Variants in GBP4 observed in about 807,000 individuals in gnomAD.
The protein encoded by GBP4 is guanylate binding protein 4, also known as guanylate-binding protein 4.
In GBP4, 69 loss-of-function variants were observed where a neutral mutation model predicts 62.2. The ratio of observed to expected loss-of-function variants is 1.11; its 90% CI spans 0.91 to 1.36. GBP4 has a LOEUF of 1.36. Ranked by LOEUF, GBP4 falls within the 40% of genes most tolerant of loss-of-function variation. GBP4 has a pLI of 0.00. For missense variants in GBP4, 697 were observed against 759.3 expected, an observed-to-expected ratio of 0.92 and a Z score of 0.96; for synonymous variants, 278 against 274.6, an observed-to-expected ratio of 1.01 and a Z score of -0.12.
Position 89,190,331 on chromosome 1 carries a change from T to C in GBP4, c.917-13A>G, listed in dbSNP as rs1219628032. ...AGAGTCCCCAGCCCTGAATCACATATATTTAGGGAAAATTTACAGTTCTTA... is the reference window on the plus strand; with the variant it reads ...AGAGTCCCCAGCCCTGAATCACATACATTTAGGGAAAATTTACAGTTCTTA... On this transcript the variant is annotated splice_polypyrimidine_tract_variant and intron_variant, in intron 6 of 10. Transcript: ENST00000355754. 1.3e-6 allele frequency: 2 copies of C among 1,564,296 alleles called. No homozygotes were observed. Among genetic ancestry groups the C allele is most frequent in the East Asian group, 2.3e-5 (1 of 44,046 alleles).
chr1:89,185,483 A>G lies in GBP4; in HGVS notation c.1708-14T>C. The G allele has an allele frequency of 1.5e-6, 2 of 1,355,592 alleles. No homozygotes were observed. Among genetic ancestry groups the G allele is most frequent in the Non-Finnish European group, 2.1e-6 (2 of 958,704 alleles). 84.0% of individuals were successfully genotyped at this position (1,355,592 alleles called of 1,614,324 possible). On this transcript the variant is annotated splice_polypyrimidine_tract_variant and intron_variant, in intron 10 of 10. Coordinates refer to ENST00000355754, the MANE Select transcript of GBP4 (RefSeq NM_052941.5). ...TTCTTCTTGTACCTATAAAAGGGAA[A>G]TAGTCCACTTTTGAAAATCTCCAAT...
intron 7 of GBP4, among the ~76,000 whole-genome samples, chr1:89,189,479 A>G (rs1430373249): frequency 6.6e-6 from 1 of 152,224 alleles, no homozygotes; most frequent in Non-Finnish European, 1.5e-5. Context: ...TGGGCCTATG[A>G]ATATGATAGA....
intron 1 of GBP4, 89 bp downstream of exon 1, chr1:89,198,706 C>A: frequency 8.7e-7 from 1 of 1,147,764 alleles, no homozygotes; most frequent in Non-Finnish European, 1.3e-6. Context: ...GTCTCCAACC[C>A]TCCCCGTGTG....
chr1:89,194,357 GT>G (rs1648269192), intron 3 of GBP4, among the ~76,000 whole-genome samples: 1 of 152,278 alleles, frequency 6.6e-6, no homozygotes, highest in South Asian at 2.1e-4. Flanking sequence ...ATCAGTTTAT[GT>G]TTTGATATGT....
rs940664022 is a variant in GBP4, at chr1:89,186,989, T to A, written c.1513+11A>T. The A allele has an allele frequency of 1.2e-6, 2 of 1,612,572 alleles. No homozygotes were observed. The highest frequency in any genetic ancestry group is 2.7e-5 in the African/African-American group (2 of 74,906). ...CCCAATCCCTCTGATAGCTGAGCCCTGCCCCTGTACCTGCTATGGCCTTCT... is the reference window on the plus strand; with the variant it reads ...CCCAATCCCTCTGATAGCTGAGCCCAGCCCCTGTACCTGCTATGGCCTTCT... On this transcript the variant is annotated intron_variant, in intron 9 of 10. Transcript: ENST00000355754.
In GBP4 at chr1:89,187,119, G is replaced by C. The variant is rs758813899; in HGVS notation, c.1411-17C>G. On this transcript the variant is annotated splice_polypyrimidine_tract_variant and intron_variant, in intron 8 of 10. Transcript: ENST00000355754. ...CTCGTTTGCCTGAGGAACCAAGAAA[G>C]AGCAAAGACCTGTCAGGCAGCAAAG... is the stretch of plus-strand genomic sequence containing the variant. 3.1e-6 allele frequency: 5 copies of C among 1,607,488 alleles called. No individual in the cohort carries two copies. The African/African-American group carries it at 5.3e-5, about 17-fold the overall frequency.
rs1570374519 is a variant in GBP4 at position 89,190,214 on chromosome 1, C to T, written c.1021G>A (p.Ala341Thr). 1.2e-6 allele frequency: 2 copies of T among 1,614,182 alleles called. No homozygotes were observed. The highest frequency in any genetic ancestry group is 2.2e-5 in the South Asian group (2 of 91,082). The change falls in exon 7 of 11, where the codon GCT becomes ACT. Residue 341 changes from alanine to threonine, a missense_variant. Coordinates refer to ENST00000355754, the MANE Select transcript of GBP4 (RefSeq NM_052941.5). Reference sequence around the variant, plus strand: ...TAGTGGTCGGCTGCCCTCTGCACAGCCGCTGGGTTCTCAAGCTGGGCCAGT... The same window carrying T: ...TAGTGGTCGGCTGCCCTCTGCACAGTCGCTGGGTTCTCAAGCTGGGCCAGT... ...TALAQLENPA[A>T]VQRAADHYSQ...
At chr1:89,186,226 T>C (rs1648029037) in intron 10 of GBP4, 107 bp downstream of exon 10, 1 of 824,628 alleles carries the variant, frequency 1.2e-6, no homozygotes, top group African/African-American at 1.7e-5. Flanking sequence ...CATACAACTT[T>C]TGTGTTTCCT....
At chr1:89,188,984 C>A (rs188391578) in intron 7 of GBP4, among the ~76,000 whole-genome samples, 190 bp from the exon 8 acceptor site, 37 of 152,272 alleles carry the variant, frequency 2.4e-4, no homozygotes, top group African/African-American at 2.6e-4. Flanking sequence ...CTTTAACCCC[C>A]CAGGGGTCAG....
chr1:89,198,210 G>A (rs1472450044), intron 1 of GBP4, among the ~76,000 whole-genome samples: 1 of 151,998 alleles, frequency 6.6e-6, no homozygotes, highest in Non-Finnish European at 1.5e-5. Flanking sequence ...GCTGTTAACC[G>A]GGCGAATTCC....
intron 7 of GBP4, 79 bp downstream of exon 7, chr1:89,189,959 G>A: frequency 7.2e-7 from 1 of 1,391,560 alleles, no homozygotes; most frequent in Non-Finnish European, 9.9e-7. Flanking sequence ...GTAAGGAGAT[G>A]AACCATGGGG....
rs1299569945 is a variant in GBP4, at chr1:89,184,563, C to T, written c.*691G>A. ...GTCCTCTGTAGCAATATGGATGGAG[C>T]TGGAAGCCATTATCATAAGCAAACT... On this transcript the variant is annotated 3_prime_UTR_variant, in exon 11 of 11. Coordinates refer to ENST00000355754, the MANE Select transcript of GBP4 (RefSeq NM_052941.5). 6.6e-6 allele frequency: 1 copy of T among 152,144 alleles called. No homozygotes were observed. Among genetic ancestry groups the T allele is most frequent in the African/African-American group, 2.4e-5 (1 of 41,412 alleles). 9.4% of individuals were successfully genotyped at this position (152,144 alleles called of 1,614,324 possible). A position where few individuals can be genotyped will look rare whatever the true frequency, so the allele number is the denominator to read the frequency against.
chr1:89,195,533 G>T, intron 2 of GBP4, 109 bp from the exon 3 acceptor site: 3 of 1,348,022 alleles, frequency 2.2e-6, no homozygotes, highest in Non-Finnish European at 3.1e-6. Context: ...CAGGGGAAAA[G>T]GGTTGTTTCC....
In GBP4 at chr1:89,181,589, T is replaced by C. The variant is rs985352666; in HGVS notation, c.*3665A>G. 4 of 152,066 alleles carry C rather than the reference T, an allele frequency of 2.6e-5. No homozygotes were observed. The highest frequency in any genetic ancestry group is 5.9e-5 in the Non-Finnish European group (4 of 68,032). The allele number at this position is 152,066 out of a possible 1,614,324, so 9.4% of individuals were successfully genotyped here. On this transcript the variant is annotated 3_prime_UTR_variant, in exon 11 of 11. Coordinates refer to ENST00000355754, the MANE Select transcript of GBP4 (RefSeq NM_052941.5). ...TACTAAACATATACATTTATATTTA[T>C]ATGTACTATATAAATACCCAATAGT...
chr1:89,185,480 G>C lies in GBP4; in HGVS notation c.1708-11C>G, dbSNP rs1254290744. The C allele has an allele frequency of 7.3e-7, 1 of 1,369,506 alleles. No homozygotes were observed. Among genetic ancestry groups the C allele is most frequent in the Non-Finnish European group, 1.0e-6 (1 of 971,456 alleles). 84.8% of individuals were successfully genotyped at this position (1,369,506 alleles called of 1,614,324 possible). On this transcript the variant is annotated splice_polypyrimidine_tract_variant and intron_variant, in intron 10 of 10. Coordinates refer to ENST00000355754, the MANE Select transcript of GBP4 (RefSeq NM_052941.5). ...CATTTCTTCTTGTACCTATAAAAGG[G>C]AAATAGTCCACTTTTGAAAATCTCC... is the stretch of plus-strand genomic sequence containing the variant.
chr1:89,192,090 C>T (rs962239863), intron 5 of GBP4, among the ~76,000 whole-genome samples: 1 of 152,130 alleles, frequency 6.6e-6, no homozygotes, highest in Non-Finnish European at 1.5e-5. Flanking sequence ...ACTTGGAGAC[C>T]TCACCACCTT....
chr1:89,196,121 AAAT>A (rs1648330263), intron 2 of GBP4, among the ~76,000 whole-genome samples: 1 of 152,218 alleles, frequency 6.6e-6, no homozygotes, highest in African/African-American at 2.4e-5. Flanking sequence ...ACCAGGATAT[AAAT>A]AATAAGAGTA....
chr1:89,189,916 T>A, intron 7 of GBP4, 122 bp downstream of exon 7: 1 of 923,574 alleles, frequency 1.1e-6, no homozygotes, highest in Non-Finnish European at 1.6e-6. Flanking sequence ...TAGAGCCCTG[T>A]TATTCACAAG....
At position 89,193,005 on chromosome 1, in the gene GBP4, T is replaced by C. The variant is rs752608414; in HGVS notation, c.569A>G (p.Asp190Gly). ...DSSEFASFFP[D>G]FIWTVRDFTL... ...AAAATCCCGAACAGTCCAAATAAAG[T>C]CTGGAAAGAAACTCGCAAACTCGCT... Residue 190 changes from aspartate to glycine, a missense_variant, in exon 5 of 11, where the codon GAC becomes GGC. Around this residue, in one of 2 missense-constraint regions of GBP4, gnomAD observed 556 missense variants for 562.7 expected, o/e 0.99. Transcript: ENST00000355754. 7 of 1,614,008 alleles carry C rather than the reference T, an allele frequency of 4.3e-6. No individual in the cohort carries two copies. In the African/African-American group the frequency reaches 6.7e-5, roughly 15 times the overall value.
Sources: gnomAD v4.1 joint callset for allele counts (sites outside exome capture counted in the v4.1 genomes callset) on GRCh38, gnomAD v4.1.1 for gene constraint, gnomAD v4.1.1 regional missense constraint, MANE v1.5 for transcripts, NCBI Gene and HGNC (gene_info 2026-07-23, HGNC 2026-07-21) for gene names.